Variants in ANKRD44 observed in about 807,000 individuals in gnomAD.
ANKRD44 encodes the protein ankyrin repeat domain 44.
In ANKRD44, 35 loss-of-function variants were observed where a neutral mutation model predicts 116.0. The ratio of observed to expected loss-of-function variants is 0.30; its 90% CI spans 0.23 to 0.40. The LOEUF is 0.40. Ranked by LOEUF, ANKRD44 falls within the 10% of genes least tolerant of loss-of-function variation. ANKRD44 has a pLI of 1.00. For missense variants in ANKRD44, 1,014 were observed against 1,242.6 expected (o/e 0.82, Z 2.77); for synonymous variants, 435 against 461.8 (o/e 0.94, Z 0.74).
chr2:197,277,666 C>A (rs1237882747), intron 1 of ANKRD44, among the ~76,000 whole-genome samples: 1 of 152,108 alleles, frequency 6.6e-6, no homozygotes, highest in Non-Finnish European at 1.5e-5. Context: ...AGCTTAACCA[C>A]GCAGCTAATA....
At chr2:197,038,107 C>T (rs186414239) in intron 16 of ANKRD44, among the ~76,000 whole-genome samples, 118 of 152,232 alleles carry the variant, frequency 7.8e-4, no homozygotes, top group African/African-American at 2.8e-3. Context: ...TCCAAACCCA[C>T]AGAATGTATA....
chr2:197,246,443 C>T (rs2082195335), intron 1 of ANKRD44, among the ~76,000 whole-genome samples: 3 of 141,394 alleles, frequency 2.1e-5, no homozygotes, highest in South Asian at 4.6e-4. Flanking sequence ...ATCATCCTGC[C>T]TCAGCCTCCC....
At chr2:196,999,918 C>T (rs2076084447) in intron 23 of ANKRD44, among the ~76,000 whole-genome samples, 2 of 152,078 alleles carry the variant, frequency 1.3e-5, no homozygotes, top group African/African-American at 2.4e-5. Flanking sequence ...GAATGTTCAC[C>T]ACACCACACT....
At chr2:197,213,328 T>C (rs1297156321) in intron 1 of ANKRD44, among the ~76,000 whole-genome samples, 1 of 152,242 alleles carries the variant, frequency 6.6e-6, no homozygotes, top group African/African-American at 2.4e-5. Flanking sequence ...ATTTTTGGCA[T>C]ATCATCTTCC....
chr2:197,088,809 T>C (rs1213705009), intron 11 of ANKRD44, 35 bp from the exon 12 acceptor site: 2 of 1,603,272 alleles, frequency 1.2e-6, no homozygotes, highest in Non-Finnish European at 1.7e-6. Flanking sequence ...TAAACAAGGA[T>C]ACTATGCTAT....
intron 20 of ANKRD44, among the ~76,000 whole-genome samples, chr2:197,006,249 T>C (rs1021640885): frequency 2.0e-5 from 3 of 152,044 alleles, no homozygotes; most frequent in African/African-American, 7.2e-5. Context: ...GAGACCATCC[T>C]GGCTAACATG....
At chr2:197,183,064 A>G (rs1380611124) in intron 2 of ANKRD44, among the ~76,000 whole-genome samples, 1 of 152,180 alleles carries the variant, frequency 6.6e-6, no homozygotes, top group East Asian at 1.9e-4. Context: ...AGAATAGAAT[A>G]AATCTCAATG....
At chr2:197,222,544 TC>T (rs988405544) in intron 1 of ANKRD44, among the ~76,000 whole-genome samples, 28 of 152,128 alleles carry the variant, frequency 1.8e-4, no homozygotes, top group African/African-American at 6.3e-4. Flanking sequence ...TTCTCTGTTT[TC>T]CCCTTGTTGG....
chr2:197,279,351 G>A (rs2083198062), intron 1 of ANKRD44, among the ~76,000 whole-genome samples: 2 of 152,158 alleles, frequency 1.3e-5, no homozygotes, highest in African/African-American at 4.8e-5. Flanking sequence ...ACAAGCCATT[G>A]AGTCTCTATA....
intron 25 of ANKRD44, among the ~76,000 whole-genome samples, chr2:196,995,668 G>T (rs2075999666): frequency 6.6e-6 from 1 of 152,070 alleles, no homozygotes; most frequent in South Asian, 2.1e-4. Flanking sequence ...TTAGAACTTG[G>T]TTAACATAAG....
chr2:197,177,068 T>C (rs559080656), intron 2 of ANKRD44, among the ~76,000 whole-genome samples: 1 of 152,334 alleles, frequency 6.6e-6, no homozygotes, highest in East Asian at 1.9e-4. Context: ...ATCTAAAATA[T>C]ACTTTATATC....
chr2:197,039,595 A>G (rs747101793), intron 16 of ANKRD44, among the ~76,000 whole-genome samples: 3 of 152,014 alleles, frequency 2.0e-5, no homozygotes, highest in African/African-American at 7.2e-5. Context: ...ATTGTGTTCT[A>G]TCAGTGGAAG....
intron 16 of ANKRD44, among the ~76,000 whole-genome samples, chr2:197,054,732 A>G (rs1337551850): frequency 2.0e-5 from 3 of 152,232 alleles, no homozygotes; most frequent in Non-Finnish European, 4.4e-5. Context: ...GTATAAGGCC[A>G]TGAGAATATT....
At chr2:197,082,097 T>C (rs1185723902) in intron 14 of ANKRD44, among the ~76,000 whole-genome samples, 1 of 152,206 alleles carries the variant, frequency 6.6e-6, no homozygotes. Context: ...GCATCTCATT[T>C]GTCCAGAAAT....
intron 1 of ANKRD44, among the ~76,000 whole-genome samples, chr2:197,228,622 C>G (rs16863455): frequency 0.15 from 23,581 of 152,188 alleles, 2,251 homozygotes; most frequent in Middle Eastern, 0.29. Flanking sequence ...GGAGTTGGTC[C>G]CCTTGGTATT....
At chr2:197,096,048 T>C (rs2078153651) in intron 10 of ANKRD44, among the ~76,000 whole-genome samples, 2 of 152,350 alleles carry the variant, frequency 1.3e-5, no homozygotes, top group South Asian at 4.1e-4. Context: ...TAACTGCTAG[T>C]CATCCTTCAG....
chr2:197,035,647 A>T (rs2076793567), intron 16 of ANKRD44, among the ~76,000 whole-genome samples: 1 of 152,162 alleles, frequency 6.6e-6, no homozygotes, highest in African/African-American at 2.4e-5. Context: ...GCCCCTGGAA[A>T]GTTGGTGCCT....
intron 1 of ANKRD44, among the ~76,000 whole-genome samples, chr2:197,255,999 G>C (rs555694794): frequency 8.5e-5 from 13 of 152,360 alleles, no homozygotes; most frequent in Non-Finnish European, 1.9e-4. Context: ...AAATTGTTTG[G>C]AGGGGATTCT....
intron 1 of ANKRD44, among the ~76,000 whole-genome samples, chr2:197,219,459 T>A (rs972889475): frequency 6.6e-6 from 1 of 152,188 alleles, no homozygotes; most frequent in Non-Finnish European, 1.5e-5. Context: ...ATTGACCACT[T>A]CCAGAACATA....
Sources: gnomAD v4.1 joint callset for allele counts (sites outside exome capture counted in the v4.1 genomes callset) on GRCh38, gnomAD v4.1.1 for gene constraint, MANE v1.5 for transcripts, NCBI Gene and HGNC (gene_info 2026-07-23, HGNC 2026-07-21) for gene names.